Variants in SLC49A3 observed in about 807,000 individuals in gnomAD.
SLC49A3 encodes the protein solute carrier family 49 member A3.
In SLC49A3, 50 loss-of-function variants were observed where a neutral mutation model predicts 43.8. That is an observed-to-expected ratio of 1.14 (90% CI 0.91 to 1.45). The LOEUF is 1.45. Ranked by LOEUF, SLC49A3 falls within the 40% of genes most tolerant of loss-of-function variation. The pLI is 0.00. For missense variants in SLC49A3, 906 were observed against 774.1 expected (o/e 1.17, Z -2.02); for synonymous variants, 413 against 352.0 (o/e 1.17, Z -1.94).
At chr4:688,904 AC>A in intron 1 of SLC49A3, 88 bp downstream of exon 1, 4 of 1,473,392 alleles carry the variant, frequency 2.7e-6, no homozygotes, top group Non-Finnish European at 2.7e-6. Context: ...AGCACCTGGC[AC>A]CTCGGGCTGT....
chr4:678,195 C>CGT, downstream of SLC49A3: 1 of 1,522,966 alleles, frequency 6.6e-7, no homozygotes. Flanking sequence ...TGTGTATGTG[C>CGT]GTGTGTGTGA....
At chr4:681,152 G>C, downstream of SLC49A3, 1 of 1,601,616 alleles carries the variant, frequency 6.2e-7, no homozygotes, top group Non-Finnish European at 8.5e-7. Flanking sequence ...TCTGGCCCGC[G>C]GCTTCCCTGC....
chr4:682,947 G>T, intron 8 of SLC49A3, 57 bp from the exon 9 acceptor site: 1 of 1,413,612 alleles, frequency 7.1e-7, no homozygotes, highest in Non-Finnish European at 9.6e-7. Context: ...GGAGCCAGGT[G>T]CCACCTTGGG....
intron 9 of SLC49A3, 87 bp downstream of exon 9, chr4:682,694 C>T (rs1043987442): frequency 1.8e-5 from 20 of 1,127,466 alleles, no homozygotes; most frequent in African/African-American, 1.4e-4. Flanking sequence ...GGGCTCCCCA[C>T]GTAGGGTTCA....
intron 2 of SLC49A3, 32 bp from the exon 3 acceptor site, chr4:686,334 A>G (rs1216158160): frequency 6.2e-7 from 1 of 1,607,314 alleles, no homozygotes. Context: ...CCGGGTCAGG[A>G]ACGCTGCCAC....
In SLC49A3 at chr4:685,807, C is replaced by T. The variant is rs751833646; in HGVS notation, c.585+28G>A. ...GTGCATGCGCACACACCACACAGACCAGGCACGGGCGTCTCATGACCCCTC... is the reference window on the plus strand; with the variant it reads ...GTGCATGCGCACACACCACACAGACTAGGCACGGGCGTCTCATGACCCCTC... On this transcript the variant is annotated intron_variant, in intron 4 of 9. Transcript: ENST00000322224. This position sits in a 1 kb window ranked among gnomAD's most constrained non-coding sequence, Gnocchi z 4.3. 6.2e-7 allele frequency: 1 copy of T among 1,612,196 alleles called. No homozygotes were observed. Among genetic ancestry groups the T allele is most frequent in the South Asian group, 1.1e-5 (1 of 90,980 alleles).
downstream of SLC49A3, chr4:679,821 C>T: frequency 9.5e-7 from 1 of 1,055,114 alleles, no homozygotes; most frequent in Non-Finnish European, 1.4e-6. Flanking sequence ...CCACCCTTCC[C>T]ATCTGCCTGC....
At chr4:687,365 C>G (rs1030893155) in intron 1 of SLC49A3, 1 of 152,488 alleles carries the variant, frequency 6.6e-6, no homozygotes, top group Non-Finnish European at 1.5e-5. Flanking sequence ...GCCACACCCT[C>G]GGACACAGCA....
upstream of SLC49A3, among the ~76,000 whole-genome samples, chr4:689,925 CT>C (rs1741735483): frequency 6.6e-6 from 1 of 152,230 alleles, no homozygotes; most frequent in Non-Finnish European, 1.5e-5. Flanking sequence ...ACCCAAGAGG[CT>C]CCAGGCCCTG....
chr4:681,358 G>A (rs1258789358), downstream of SLC49A3, among the ~76,000 whole-genome samples: 2 of 152,080 alleles, frequency 1.3e-5, no homozygotes, highest in African/African-American at 4.8e-5. Flanking sequence ...CGTTAGATCA[G>A]CGGCTGGAGA....
Position 686,301 on chromosome 4 carries a change from G to A in SLC49A3, c.296C>T (p.Thr99Ile). 1 of 1,613,070 alleles carries A rather than the reference G, an allele frequency of 6.2e-7. No individual in the cohort carries two copies. The highest frequency in any genetic ancestry group is 8.5e-7 in the Non-Finnish European group (1 of 1,179,942). The stretch of plus-strand genomic sequence containing the variant: ...AAAGTTCAGCCACGCACCCAGGATG[G>A]TCTGCGAGGAGGGGGTCGGGGACCG... ...ILDSVGLRAA[T>I]ILGAWLNFAG... Residue 99 changes from threonine to isoleucine, a missense_variant and splice_region_variant, in exon 3 of 10, where the codon ACC (threonine) becomes ATC (isoleucine). Physicochemically the swap from Thr to Ile is moderately conservative, Grantham distance 89 (BLOSUM62 -1). Transcript: ENST00000322224.
chr4:681,799 C>T, downstream of SLC49A3: 1 of 1,242,882 alleles, frequency 8.0e-7, no homozygotes, highest in African/African-American at 1.6e-5. Flanking sequence ...GCTCCCCCTC[C>T]CGCGGCGCAG....
At chr4:683,860 C>T (rs918714700) in intron 6 of SLC49A3, 99 bp from the exon 7 acceptor site, 2 of 1,399,666 alleles carry the variant, frequency 1.4e-6, no homozygotes, top group African/African-American at 1.5e-5. Flanking sequence ...GTGTGCTGTG[C>T]CCAAGGCCCA....
Position 685,044 on chromosome 4 carries a change from G to A in SLC49A3, c.586-188C>T, listed in dbSNP as rs1342549454. ...GGGGCCTGCTCCAGGGGCTCATGGG[G>A]ACCCCTGGCTGTCAACGCATCCCTC... On this transcript the variant is annotated intron_variant, in intron 4 of 9. Coordinates refer to ENST00000322224, the MANE Select transcript of SLC49A3 (RefSeq NM_032219.4). The surrounding 1 kb of genome is among the most constrained non-coding windows in gnomAD (Gnocchi z 4.3). 1.4e-6 allele frequency: 1 copy of A among 708,746 alleles called. No individual in the cohort carries two copies. The highest frequency in any genetic ancestry group is 2.2e-6 in the Non-Finnish European group (1 of 450,320). The allele number at this position is 708,746 out of a possible 1,614,324, so 43.9% of individuals were successfully genotyped here.
Position 685,874 on chromosome 4 carries a change from G to C in SLC49A3, c.546C>G (p.Ser182=), listed in dbSNP as rs1281112492. Residue 182 remains serine (S), a synonymous_variant, in exon 4 of 10, where the codon TCC becomes TCG. Coordinates refer to ENST00000322224, the MANE Select transcript of SLC49A3 (RefSeq NM_032219.4). The surrounding 1 kb of genome is among the most constrained non-coding windows in gnomAD (Gnocchi z 4.3). ...CCTCACCCTTCTTGACCAGCACAGGGGACAGCACATTGGCCACAAGGACGC... is the reference window on the plus strand; with the variant it reads ...CCTCACCCTTCTTGACCAGCACAGGCGACAGCACATTGGCCACAAGGACGC... ...PLGVLVANVL[S]PVLVKKGEDI... is the part of the protein sequence containing the mutation. 6.2e-7 allele frequency: 1 copy of C among 1,613,984 alleles called. No homozygotes were observed. Among genetic ancestry groups the C allele is most frequent in the Non-Finnish European group, 8.5e-7 (1 of 1,180,014 alleles).
At chr4:676,930 C>T (rs776452960), downstream of SLC49A3, 106 of 985,258 alleles carry the variant, frequency 1.1e-4, no homozygotes, top group Non-Finnish European at 1.2e-4. Flanking sequence ...TGGCACCAGG[C>T]AGCATCTCAG....
chr4:686,216 G>C lies in SLC49A3; in HGVS notation c.381C>G (p.Ala127=), dbSNP rs1740989344. The C allele has an allele frequency of 6.2e-7, 1 of 1,613,518 alleles. No homozygotes were observed. The highest frequency in any genetic ancestry group is 1.7e-5 in the Admixed American group (1 of 60,014). Residue 127 remains alanine, a synonymous_variant, in exon 3 of 10, where the codon GCC becomes GCG. Transcript: ENST00000322224. ...CMVVGTQNPF[A]FLMGGQSLCA... The stretch of plus-strand genomic sequence containing the variant: ...AGAGGCTCTGGCCACCCATGAGGAA[G>C]GCAAATGGGTTTTGGGTCCCAACAA...
At chr4:683,958 A>T (rs4518182) in intron 6 of SLC49A3, among the ~76,000 whole-genome samples, 197 bp from the exon 7 acceptor site, 20,539 of 151,894 alleles carry the variant, frequency 0.14, 1,515 homozygotes, top group Middle Eastern at 0.17. Context: ...CCCCAGAGCA[A>T]AGCAATCGCT....
downstream of SLC49A3, chr4:678,076 C>T (rs201842021): frequency 8.1e-6 from 13 of 1,609,200 alleles, no homozygotes; most frequent in East Asian, 2.7e-4. Context: ...TGGGTGTGAG[C>T]TGTGCTGTGC....
Sources: allele counts gnomAD v4.1 joint callset (sites outside exome capture counted in the v4.1 genomes callset), GRCh38; gene constraint gnomAD v4.1.1; non-coding constraint Gnocchi (gnomAD v3.1); transcripts MANE v1.5; gene names NCBI Gene and HGNC (gene_info 2026-07-23, HGNC 2026-07-21).